Variants in LASP1 observed in about 807,000 individuals in gnomAD.
LASP1 encodes LIM and SH3 domain protein 1.
LASP1 carries 10 observed loss-of-function variants against 38.6 expected under a neutral mutation model. The ratio of observed to expected loss-of-function variants is 0.26; its 90% CI spans 0.16 to 0.44. The LOEUF is 0.44. Among genes scored for constraint, LASP1 ranks in the 20% least tolerant of loss-of-function variants. The pLI is 1.00. For missense variants in LASP1, 243 were observed against 375.7 expected (o/e 0.65, Z 2.92); for synonymous variants, 132 against 140.8 (o/e 0.94, Z 0.44).
intron 3 of LASP1, chr17:38,896,988 C>T (rs1035918952): frequency 1.3e-5 from 13 of 985,332 alleles, no homozygotes; most frequent in African/African-American, 3.5e-5. Context: ...CTACCTTCCC[C>T]GATGCCCGCT....
chr17:38,895,316 G>A (rs1914454808), intron 3 of LASP1, among the ~76,000 whole-genome samples: 1 of 151,270 alleles, frequency 6.6e-6, no homozygotes, highest in Non-Finnish European at 1.5e-5. Context: ...TTTAAGTCCA[G>A]CCTAATTTTT....
In LASP1 at chr17:38,921,427, C is replaced by T. The variant is rs1450164304; in HGVS notation, c.*2649C>T. On this transcript the variant is annotated 3_prime_UTR_variant, in exon 7 of 7. Transcript: ENST00000318008. ...CTTTATTGCTTAATTTCTGCCTTTC[C>T]CCCCTCACACATGCACTTTTGGGCC... 8.6e-6 allele frequency: 2 copies of T among 232,426 alleles called. No homozygotes were observed. Among genetic ancestry groups the T allele is most frequent in the Admixed American group, 5.6e-5 (1 of 17,736 alleles). 14.4% of individuals were successfully genotyped at this position (232,426 alleles called of 1,614,324 possible).
intron 3 of LASP1, among the ~76,000 whole-genome samples, chr17:38,897,252 A>C (rs1375980888): frequency 6.6e-6 from 1 of 152,252 alleles, no homozygotes; most frequent in African/African-American, 2.4e-5. Context: ...CCCCACAGGC[A>C]TGTGCAGAGG....
chr17:38,871,518 T>C (rs1223986758), intron 1 of LASP1, among the ~76,000 whole-genome samples: 7 of 151,968 alleles, frequency 4.6e-5, no homozygotes, highest in African/African-American at 7.3e-5. Flanking sequence ...GTGGGAACAC[T>C]AGATGAAAGA....
rs140712137 is a variant in LASP1 at position 38,918,506 on chromosome 17, C to T, written c.613-99C>T. On this transcript the variant is annotated intron_variant, in intron 6 of 6. Transcript: ENST00000318008. This position sits in a 1 kb window ranked among gnomAD's most constrained non-coding sequence, Gnocchi z 4.4. ...GCTCCATTTCTGAGTTCACTGCTCC[C>T]CCAGGCTCTGCTCCAGGGTCGTGGA... 7.8e-4 allele frequency: 949 copies of T among 1,221,776 alleles called. 4 individuals are homozygous for T. The highest frequency in any genetic ancestry group is 5.2e-3 in the Middle Eastern group (26 of 5,034). 75.7% of individuals were successfully genotyped at this position (1,221,776 alleles called of 1,614,324 possible).
At chr17:38,892,508 A>ACC (rs1165023750) in intron 3 of LASP1, among the ~76,000 whole-genome samples, 1 of 151,796 alleles carries the variant, frequency 6.6e-6, no homozygotes, top group Non-Finnish European at 1.5e-5. Flanking sequence ...GCTCAGAAGG[A>ACC]CCTCGGAGAA....
At chr17:38,892,578 A>C (rs1914363798) in intron 3 of LASP1, among the ~76,000 whole-genome samples, 1 of 150,848 alleles carries the variant, frequency 6.6e-6, no homozygotes, top group South Asian at 2.1e-4. Context: ...ACACACACAC[A>C]CACACACACA....
At chr17:38,880,009 C>T (rs539393505) in intron 2 of LASP1, among the ~76,000 whole-genome samples, 298 of 152,238 alleles carry the variant, frequency 2.0e-3, no homozygotes, top group South Asian at 3.7e-3. Flanking sequence ...CTTCCCCCTA[C>T]CAACCCCTCC....
chr17:38,885,926 C>G (rs554270883), intron 2 of LASP1, among the ~76,000 whole-genome samples: 2 of 152,184 alleles, frequency 1.3e-5, no homozygotes, highest in Admixed American at 1.3e-4. Flanking sequence ...TGTTCTCATG[C>G]CTTTGCTTCT....
intron 4 of LASP1, among the ~76,000 whole-genome samples, chr17:38,900,558 A>G (rs1004071944): frequency 9.2e-5 from 14 of 152,096 alleles, no homozygotes; most frequent in African/African-American, 3.1e-4. Context: ...CTGTAATCCC[A>G]GCTACTTGGG....
In LASP1 at chr17:38,919,901, G is replaced by A. The variant is rs1915251466; in HGVS notation, c.*1123G>A. On this transcript the variant is annotated 3_prime_UTR_variant, in exon 7 of 7. Coordinates refer to ENST00000318008, the MANE Select transcript of LASP1 (RefSeq NM_006148.4). ...GTGTGAGTGTGAGAGATGGGGCGGGGGTGTGTCTGTAGGTGTCTCTGGGCC... is the reference window on the plus strand; with the variant it reads ...GTGTGAGTGTGAGAGATGGGGCGGGAGTGTGTCTGTAGGTGTCTCTGGGCC... 1 of 508,426 alleles carries A rather than the reference G, an allele frequency of 2.0e-6. No homozygotes were observed. Among genetic ancestry groups the A allele is most frequent in the Non-Finnish European group, 3.8e-6 (1 of 260,738 alleles). 31.5% of individuals were successfully genotyped at this position (508,426 alleles called of 1,614,324 possible).
At chr17:38,915,216 A>C in intron 6 of LASP1, 70 bp downstream of exon 6, 895 of 1,256,252 alleles carry the variant, frequency 7.1e-4, no homozygotes, top group Non-Finnish European at 9.5e-4. Flanking sequence ...GACACAGCTC[A>C]TGGATTCTCC....
Position 38,914,321 on chromosome 17 carries a change from G to A in LASP1, c.358-4G>A. 6.2e-7 allele frequency: 1 copy of A among 1,604,956 alleles called. No homozygotes were observed. Among genetic ancestry groups the A allele is most frequent in the South Asian group, 1.1e-5 (1 of 89,714 alleles). ...CCTTCACCTAGTGCCTTCTGACCTT[G>A]CAGATAAAATACCATGAGGAGTTTG... On this transcript the variant is annotated splice_polypyrimidine_tract_variant and splice_region_variant and intron_variant, in intron 4 of 6. Coordinates refer to ENST00000318008, the MANE Select transcript of LASP1 (RefSeq NM_006148.4).
At position 38,918,112 on chromosome 17, in the gene LASP1, CT is replaced by C. The variant is rs1377974477; in HGVS notation, c.613-491del. On this transcript the variant is annotated intron_variant, in intron 6 of 6. Transcript: ENST00000318008. This position sits in a 1 kb window ranked among gnomAD's most constrained non-coding sequence, Gnocchi z 4.4. ...CCAAGATCACACCATTGCACTCCAG[CT>C]TGGGTGACAAAGCAAGACTCCATCT... is the stretch of plus-strand genomic sequence containing the variant. 6.8e-6 allele frequency among the ~76,000 whole-genome samples: 1 copy of C among 147,960 alleles called. No homozygotes were observed.
At chr17:38,913,767 C>T (rs959673126) in intron 4 of LASP1, among the ~76,000 whole-genome samples, 6 of 152,054 alleles carry the variant, frequency 3.9e-5, no homozygotes, top group African/African-American at 7.2e-5. Context: ...TTTGGGAGGC[C>T]GAGGCGGGTG....
intron 3 of LASP1, among the ~76,000 whole-genome samples, chr17:38,897,289 T>C (rs1463717744): frequency 1.3e-5 from 2 of 152,224 alleles, no homozygotes; most frequent in African/African-American, 4.8e-5. Flanking sequence ...CGTGGCTGCA[T>C]GCGCATGCGC....
At chr17:38,901,817 G>A (rs952211926) in intron 4 of LASP1, among the ~76,000 whole-genome samples, 2 of 152,012 alleles carry the variant, frequency 1.3e-5, no homozygotes, top group African/African-American at 2.4e-5. Flanking sequence ...CCAGGCTGGA[G>A]TGCAGTGGCG....
chr17:38,887,255 C>T (rs1215220872), intron 2 of LASP1, among the ~76,000 whole-genome samples: 1 of 152,202 alleles, frequency 6.6e-6, no homozygotes, highest in Admixed American at 6.5e-5. Context: ...CTTCCATGTG[C>T]TTGCCTCACC....
chr17:38,879,564 G>GT (rs566442320), intron 2 of LASP1, among the ~76,000 whole-genome samples: 830 of 135,660 alleles, frequency 6.1e-3, no homozygotes, highest in East Asian at 0.013. Context: ...CTTGAGTCCA[G>GT]TTTTTTTTTT....
Sources: allele counts gnomAD v4.1 joint callset (sites outside exome capture counted in the v4.1 genomes callset), GRCh38; gene constraint gnomAD v4.1.1; non-coding constraint Gnocchi (gnomAD v3.1); transcripts MANE v1.5; gene names NCBI Gene and HGNC (gene_info 2026-07-23, HGNC 2026-07-21).